USP15: variants seen among roughly 807,000 people sequenced by gnomAD.
The protein encoded by USP15 is ubiquitin specific peptidase 15, also known as ubiquitin carboxyl-terminal hydrolase 15.
A neutral mutation model predicts 127.1 loss-of-function variants in USP15; 18 were observed. The ratio of observed to expected loss-of-function variants is 0.14; its 90% CI spans 0.10 to 0.21. The LOEUF is 0.21. USP15 is among the 10% of genes least tolerant of loss of function. USP15 has a pLI of 1.00. For synonymous variants in USP15, 364 were observed against 393.7 expected, an observed-to-expected ratio of 0.92 and a Z score of 0.89; for missense variants, 805 against 1,159.9, an observed-to-expected ratio of 0.69 and a Z score of 4.44.
At chr12:62,296,008 G>C (rs924240438) in intron 2 of USP15, among the ~76,000 whole-genome samples, 2 of 152,186 alleles carry the variant, frequency 1.3e-5, no homozygotes, top group Non-Finnish European at 2.9e-5. Context: ...TCTCTGTCTG[G>C]TGGCAAAAGA....
chr12:62,359,141 ACCC>A (rs1430138511), intron 8 of USP15, among the ~76,000 whole-genome samples: 5 of 151,464 alleles, frequency 3.3e-5, no homozygotes, highest in Admixed American at 3.3e-4. Context: ...AGTTCCCAGA[ACCC>A]CATCTGCTTT....
At chr12:62,314,535 C>T (rs2064776905) in intron 3 of USP15, among the ~76,000 whole-genome samples, 2 of 151,714 alleles carry the variant, frequency 1.3e-5, no homozygotes, top group Non-Finnish European at 3.0e-5. Flanking sequence ...CAATAGAATG[C>T]CTTTCCAAAC....
intron 5 of USP15, among the ~76,000 whole-genome samples, chr12:62,323,572 T>C (rs907136985): frequency 1.2e-4 from 18 of 152,192 alleles, no homozygotes; most frequent in Non-Finnish European, 2.2e-4. Flanking sequence ...GCTTGAAGTG[T>C]GGACCTTGGA....
chr12:62,404,168 G>C, intron 21 of USP15, 25 bp from the exon 22 acceptor site: 1 of 1,567,054 alleles, frequency 6.4e-7, no homozygotes, highest in East Asian at 2.3e-5. Flanking sequence ...AATCATAACT[G>C]TTTTAACATC....
chr12:62,346,081 G>A (rs567420366), intron 6 of USP15, among the ~76,000 whole-genome samples: 3 of 152,142 alleles, frequency 2.0e-5, no homozygotes, highest in Non-Finnish European at 4.4e-5. Flanking sequence ...AAAGAGTGGT[G>A]TCATGAAAAC....
At chr12:62,380,525 A>G (rs922864720) in intron 8 of USP15, among the ~76,000 whole-genome samples, 3 of 152,026 alleles carry the variant, frequency 2.0e-5, no homozygotes, top group Non-Finnish European at 4.4e-5. Flanking sequence ...ATTAATGTGA[A>G]TCCAGGCTCT....
intron 1 of USP15, among the ~76,000 whole-genome samples, chr12:62,282,418 A>G (rs1565815222): frequency 6.6e-6 from 1 of 152,202 alleles, no homozygotes. Flanking sequence ...GACAGTTATG[A>G]CAATATTCTG....
rs746675402 is a variant in USP15 at position 62,389,619 on chromosome 12, T to C, written c.1572T>C (p.Asp524=). Residue 524 remains aspartate, a synonymous_variant, in exon 13 of 22, where the codon GAT becomes GAC. Coordinates refer to ENST00000280377, the MANE Select transcript of USP15 (RefSeq NM_001252078.2). ...GIPADKMIVT[D]IYNHRFHRIF... is the part of the protein sequence containing the mutation. Reference sequence around the variant, plus strand: ...TTTCCTTTTAGATGATAGTTACTGATATATACAATCATAGATTTCACAGAA... The same window carrying C: ...TTTCCTTTTAGATGATAGTTACTGACATATACAATCATAGATTTCACAGAA... 5.0e-5 allele frequency: 81 copies of C among 1,612,534 alleles called. No homozygotes were observed. Among genetic ancestry groups the C allele is most frequent in the Non-Finnish European group, 6.3e-5 (74 of 1,179,102 alleles).
In USP15 at chr12:62,260,408, G is replaced by A. The variant is rs1320796173; in HGVS notation, c.-7G>A. ...GCTGCCACCTCCCCTACCGCTAGTG[G>A]AAGAAGATGGCGGAAGGCGGAGCGG... On this transcript the variant is annotated 5_prime_UTR_variant, in exon 1 of 22. Transcript: ENST00000280377. The A allele has an allele frequency of 1.3e-6, 2 of 1,550,488 alleles. No individual in the cohort carries two copies. The highest frequency in any genetic ancestry group is 1.7e-6 in the Non-Finnish European group (2 of 1,147,244).
At chr12:62,349,845 G>C (rs1461236005) in intron 7 of USP15, among the ~76,000 whole-genome samples, 1 of 151,844 alleles carries the variant, frequency 6.6e-6, no homozygotes, top group Non-Finnish European at 1.5e-5. Context: ...AAAAACAGTT[G>C]AAAGTCAAGG....
At chr12:62,300,270 T>C (rs887589688) in intron 2 of USP15, among the ~76,000 whole-genome samples, 3 of 152,154 alleles carry the variant, frequency 2.0e-5, no homozygotes, top group African/African-American at 7.2e-5. Context: ...TTTACGAGTT[T>C]TATAGTTTTG....
At chr12:62,381,043 A>G (rs1178562489) in intron 8 of USP15, among the ~76,000 whole-genome samples, 4 of 152,078 alleles carry the variant, frequency 2.6e-5, no homozygotes, top group Non-Finnish European at 5.9e-5. Flanking sequence ...TTCATGATAA[A>G]TAATTGACAA....
At position 62,389,898 on chromosome 12, in the gene USP15, G is replaced by T; in HGVS notation, c.1754G>T (p.Gly585Val). Residue 585 changes from glycine (G) to valine (V), a missense_variant, in exon 14 of 22, where the codon GGT becomes GTT. Gly to Val is a moderately radical substitution (Grantham distance 109). Coordinates refer to ENST00000280377, the MANE Select transcript of USP15 (RefSeq NM_001252078.2). Reference sequence around the variant, plus strand: ...CACTCGAGTTATACCCACCATACTGGTTCTTCACTTTTTGGTCAGCCCTTT... The same window carrying T: ...CACTCGAGTTATACCCACCATACTGTTTCTTCACTTTTTGGTCAGCCCTTT... ...FRHSSYTHHTGSSLFGQPFLM... is the reference protein window; with the variant it reads ...FRHSSYTHHTVSSLFGQPFLM... 1 of 1,613,836 alleles carries T rather than the reference G, an allele frequency of 6.2e-7. No individual in the cohort carries two copies. The highest frequency in any genetic ancestry group is 8.5e-7 in the Non-Finnish European group (1 of 1,179,868).
At chr12:62,304,506 A>G (rs1189143855) in intron 3 of USP15, among the ~76,000 whole-genome samples, 2 of 152,158 alleles carry the variant, frequency 1.3e-5, no homozygotes, top group Non-Finnish European at 2.9e-5. Flanking sequence ...GGTGGAACTC[A>G]AAGAAGTAAA....
intron 4 of USP15, among the ~76,000 whole-genome samples, chr12:62,319,912 A>G (rs1410538115): frequency 6.6e-6 from 1 of 152,210 alleles, no homozygotes; most frequent in Non-Finnish European, 1.5e-5. Flanking sequence ...TTATAGAAAG[A>G]TTAAAACAGC....
intron 21 of USP15, 79 bp from the exon 22 acceptor site, chr12:62,404,114 G>T: frequency 1.5e-6 from 2 of 1,354,068 alleles, no homozygotes; most frequent in Admixed American, 2.8e-5. Context: ...ACCAAAATTG[G>T]TGACCAGCTA....
intron 6 of USP15, among the ~76,000 whole-genome samples, chr12:62,329,828 T>C (rs1425885388): frequency 1.3e-5 from 2 of 151,490 alleles, no homozygotes; most frequent in Non-Finnish European, 2.9e-5. Context: ...GTACTTACGA[T>C]GTGAGTGTAA....
Position 62,384,140 on chromosome 12 carries a change from A to G in USP15, c.1311A>G (p.Ile437Met), listed in dbSNP as rs775929656. 1.2e-6 allele frequency: 2 copies of G among 1,612,896 alleles called. No individual in the cohort carries two copies. The highest frequency in any genetic ancestry group is 1.7e-5 in the Admixed American group (1 of 59,914). ...LKRNDSIIVD[I>M]FHGLFKSTLV... is the part of the protein sequence containing the mutation. ...GAAATGATTCTATCATAGTAGATATATTTCATGGCCTTTTCAAATCAACTT... is the reference window on the plus strand; with the variant it reads ...GAAATGATTCTATCATAGTAGATATGTTTCATGGCCTTTTCAAATCAACTT... Residue 437 changes from isoleucine (I) to methionine (M), a missense_variant, in exon 11 of 22, where the codon ATA becomes ATG. Ile to Met is a conservative substitution (Grantham distance 10). This residue lies in a region of USP15 where 84 missense variants were observed against 210.3 expected (regional missense o/e 0.40). Coordinates refer to ENST00000280377, the MANE Select transcript of USP15 (RefSeq NM_001252078.2).
intron 1 of USP15, among the ~76,000 whole-genome samples, chr12:62,281,941 G>A (rs2137095827): frequency 6.6e-6 from 1 of 152,274 alleles, no homozygotes; most frequent in South Asian, 2.1e-4. Context: ...TATCTGCAGA[G>A]TATAAGTTCC....
Sources: gnomAD v4.1 joint callset for allele counts (sites outside exome capture counted in the v4.1 genomes callset) on GRCh38, gnomAD v4.1.1 for gene constraint, gnomAD v4.1.1 regional missense constraint, MANE v1.5 for transcripts, NCBI Gene and HGNC (gene_info 2026-07-23, HGNC 2026-07-21) for gene names.